MAEA: variants seen among roughly 807,000 people sequenced by gnomAD.
The protein encoded by MAEA is E3 ubiquitin-protein transferase MAEA.
In MAEA, 22 loss-of-function variants were observed where a neutral mutation model predicts 46.2. The observed-to-expected ratio is 0.48, with a 90% CI of 0.34 to 0.68. MAEA has a LOEUF of 0.68. Among genes scored for constraint, MAEA ranks in the 30% least tolerant of loss-of-function variants. MAEA has a pLI of 0.01. For missense variants in MAEA, 393 were observed against 558.1 expected, an observed-to-expected ratio of 0.70 and a Z score of 2.98; for synonymous variants, 246 against 222.6, an observed-to-expected ratio of 1.11 and a Z score of -0.94.
intron 7 of MAEA, 140 bp from the exon 8 acceptor site, chr4:1,338,282 T>C: frequency 1.6e-6 from 1 of 630,262 alleles, no homozygotes; most frequent in Non-Finnish European, 2.7e-6. Flanking sequence ...TTCCTGTGCC[T>C]CGAAAGACAG....
intron 1 of MAEA, chr4:1,309,700 C>T: frequency 5.2e-6 from 8 of 1,528,992 alleles, no homozygotes; most frequent in Non-Finnish European, 7.0e-6. Context: ...GTTGTGAAGA[C>T]ACCGTGGCCC....
intron 1 of MAEA, among the ~76,000 whole-genome samples, chr4:1,301,872 AC>A (rs1463574206): frequency 6.6e-6 from 1 of 152,246 alleles, no homozygotes; most frequent in Non-Finnish European, 1.5e-5. Context: ...ACTACAAAAA[AC>A]CTCACAAAGA....
intron 1 of MAEA, among the ~76,000 whole-genome samples, chr4:1,292,864 G>A (rs1213575292): frequency 1.3e-5 from 2 of 150,186 alleles, no homozygotes; most frequent in Non-Finnish European, 3.0e-5. Context: ...GTGGGGGAGG[G>A]GAAAGATGAA....
rs546563200 is a variant in MAEA, at chr4:1,329,497, G to A, written c.656+1794G>A. 6.8e-5 allele frequency: 67 copies of A among 985,348 alleles called. No homozygotes were observed. In the African/African-American group the frequency reaches 8.9e-4, roughly 13 times the overall value. The allele number at this position is 985,348 out of a possible 1,614,324, so 61.0% of individuals were successfully genotyped here. A position where few individuals can be genotyped will look rare whatever the true frequency, so the allele number is the denominator to read the frequency against. ...TGTCCTTCCTCCCGCAAGCAGACAC[G>A]TGCTGCCTCGAAGCCTCAGCAGCCA... On this transcript the variant is annotated intron_variant, in intron 5 of 8. Transcript: ENST00000303400.
rs144924610 is a variant in MAEA, at chr4:1,315,492, G to T, written c.348G>T (p.Ala116=). Reference sequence around the variant, plus strand: ...AGCATAGCAGCGACCAGCCCGCGGCGGCCAGCGTGTGGAAGAGGAAGCGCA... The same window carrying T: ...AGCATAGCAGCGACCAGCCCGCGGCTGCCAGCGTGTGGAAGAGGAAGCGCA... ...LKEHSSDQPA[A]ASVWKRKRMD... The change falls in exon 3 of 9, where the codon GCG becomes GCT. Residue 116 remains alanine (A), a synonymous_variant. Transcript: ENST00000303400. 1.2e-6 allele frequency: 2 copies of T among 1,613,880 alleles called. No homozygotes were observed. Among genetic ancestry groups the T allele is most frequent in the Non-Finnish European group, 1.7e-6 (2 of 1,179,994 alleles).
intron 1 of MAEA, chr4:1,299,520 T>G (rs1341914598): frequency 6.5e-6 from 1 of 153,098 alleles, no homozygotes; most frequent in East Asian, 1.9e-4. Context: ...CTGTCGTCTT[T>G]TTGTTCTAGG....
At chr4:1,314,670 G>A (rs1214518858) in intron 2 of MAEA, among the ~76,000 whole-genome samples, 6 of 152,296 alleles carry the variant, frequency 3.9e-5, no homozygotes, top group East Asian at 1.9e-4. Context: ...AAAATAAACC[G>A]ACATGGGATT....
chr4:1,320,412 C>T (rs1010884052), intron 3 of MAEA, among the ~76,000 whole-genome samples: 15 of 141,230 alleles, frequency 1.1e-4, no homozygotes, highest in Admixed American at 1.5e-4. Context: ...CAGGAAAACG[C>T]TGTGAAGGGG....
intron 2 of MAEA, chr4:1,312,423 A>ATTT (rs34329974): frequency 0.014 from 2,389 of 171,414 alleles, 80 homozygotes; most frequent in East Asian, 0.057. Context: ...AGGTTGATTG[A>ATTT]TTTTTTTTTT....
intron 6 of MAEA, among the ~76,000 whole-genome samples, chr4:1,333,073 C>A (rs1712056949): frequency 1.3e-5 from 2 of 151,916 alleles, no homozygotes; most frequent in Non-Finnish European, 2.9e-5. Flanking sequence ...TGGTGGCTCA[C>A]CCCTGGAATC....
intron 4 of MAEA, among the ~76,000 whole-genome samples, chr4:1,326,383 T>G (rs562635959): frequency 1.4e-4 from 22 of 152,338 alleles, no homozygotes; most frequent in African/African-American, 4.6e-4. Flanking sequence ...GCCCTGAGAA[T>G]GTCCTGAAAC....
intron 7 of MAEA, chr4:1,337,796 C>T (rs200489216): frequency 5.7e-6 from 1 of 175,602 alleles, no homozygotes; most frequent in Non-Finnish European, 1.2e-5. Flanking sequence ...GACTCTACCC[C>T]TGCCTGTGAC....
intron 2 of MAEA, 143 bp from the exon 3 acceptor site, chr4:1,315,254 T>C: frequency 1.4e-6 from 1 of 729,220 alleles, no homozygotes; most frequent in Non-Finnish European, 2.3e-6. Context: ...CCTAGCGGAC[T>C]CGGTAGAGCA....
At chr4:1,291,665 G>A (rs560129376) in intron 1 of MAEA, among the ~76,000 whole-genome samples, 1 of 152,258 alleles carries the variant, frequency 6.6e-6, no homozygotes, top group South Asian at 2.1e-4. Context: ...TGGTGAATGT[G>A]GGAAACACTA....
At position 1,297,454 on chromosome 4, in the gene MAEA, C is replaced by CGTGTGTGTGTGTGTGTGTGTGTGTGT. The variant is rs368069067; in HGVS notation, c.69+7475_69+7476insTGTGTGTGTGTGTGTGTGTGTGTGTG. Among the ~76,000 whole-genome samples, 727 of 150,588 alleles carry CGTGTGTGTGTGTGTGTGTGTGTGTGT rather than the reference C, an allele frequency of 4.8e-3. 19 individuals carry two copies. Among genetic ancestry groups the CGTGTGTGTGTGTGTGTGTGTGTGTGT allele is most frequent in the African/African-American group, 0.017 (699 of 40,154 alleles). On this transcript the variant is annotated intron_variant, in intron 1 of 8. Transcript: ENST00000303400. ...AGCTTTGGAGGAGCCTGAAAAAGTA[C>CGTGTGTGTGTGTGTGTGTGTGTGTGT]GTGCGTATGTGTGTGTGTATACATA... is the stretch of plus-strand genomic sequence containing the variant.
chr4:1,308,284 C>G (rs1736026016), intron 1 of MAEA, among the ~76,000 whole-genome samples: 1 of 152,200 alleles, frequency 6.6e-6, no homozygotes, highest in Non-Finnish European at 1.5e-5. Context: ...AATGGGACCA[C>G]TATCACCTGC....
intron 1 of MAEA, among the ~76,000 whole-genome samples, chr4:1,296,915 C>T (rs1294383467): frequency 2.0e-5 from 3 of 152,134 alleles, no homozygotes; most frequent in Admixed American, 6.5e-5. Flanking sequence ...TCTTGGAGGC[C>T]TTTTGTTTTA....
rs549008277 is a variant in MAEA, at chr4:1,319,926, T to C, written c.457-2455T>C. ...TGCAAGAAAACGCTATGAAGGGGCT[T>C]CAGAAAAGAATCATCAAAGCAAACA... On this transcript the variant is annotated intron_variant, in intron 3 of 8. Coordinates refer to ENST00000303400, the MANE Select transcript of MAEA (RefSeq NM_001017405.3). Among the ~76,000 whole-genome samples, 425 of 143,340 alleles carry C rather than the reference T, an allele frequency of 3.0e-3. 5 individuals are homozygous for C. Among genetic ancestry groups the C allele is most frequent in the African/African-American group, 0.011 (409 of 37,648 alleles). The allele number at this position is 143,340 out of a possible 152,430, so 94.0% of individuals were successfully genotyped here.
intron 1 of MAEA, among the ~76,000 whole-genome samples, chr4:1,301,941 T>A (rs1735356293): frequency 6.6e-6 from 1 of 150,970 alleles, no homozygotes; most frequent in Non-Finnish European, 1.5e-5. Flanking sequence ...AAAGAAGGAT[T>A]TATACCAACT....
Sources: allele counts gnomAD v4.1 joint callset (sites outside exome capture counted in the v4.1 genomes callset), GRCh38; gene constraint gnomAD v4.1.1; transcripts MANE v1.5; gene names NCBI Gene and HGNC (gene_info 2026-07-23, HGNC 2026-07-21).